The following ADGRB3 variants were observed in gnomAD, a reference collection of about 807,000 sequenced individuals.
The protein encoded by ADGRB3 is brain-specific angiogenesis inhibitor 3.
Under a neutral mutation model 193.4 loss-of-function variants are expected in ADGRB3, and 37 were observed. The observed-to-expected ratio is 0.19, with a 90% CI of 0.15 to 0.25. The LOEUF is 0.25. Ranked by LOEUF, ADGRB3 falls within the 10% of genes least tolerant of loss-of-function variation. ADGRB3 has a pLI of 1.00. For missense variants in ADGRB3, 1,637 were observed against 1,852.9 expected, an observed-to-expected ratio of 0.88 and a Z score of 2.14; for synonymous variants, 690 against 644.2, an observed-to-expected ratio of 1.07 and a Z score of -1.08.
chr6:68,802,184 G>A (rs1378095300), intron 3 of ADGRB3, among the ~76,000 whole-genome samples: 7 of 101,342 alleles, frequency 6.9e-5, no homozygotes, highest in African/African-American at 3.7e-4. Context: ...GCACATATGC[G>A]TGTGTGTGTG....
At chr6:69,372,131 A>G (rs993835998) in intron 29 of ADGRB3, among the ~76,000 whole-genome samples, 3 of 152,096 alleles carry the variant, frequency 2.0e-5, no homozygotes, top group African/African-American at 7.2e-5. Flanking sequence ...ACTAAAAATT[A>G]GGGTTAAGAG....
At chr6:68,775,938 G>T (rs568055626) in intron 3 of ADGRB3, among the ~76,000 whole-genome samples, 1 of 152,216 alleles carries the variant, frequency 6.6e-6, no homozygotes, top group African/African-American at 2.4e-5. Context: ...ACTACATTGT[G>T]TTTTTGTTGC....
At chr6:69,206,275 CT>C (rs1266973365) in intron 17 of ADGRB3, among the ~76,000 whole-genome samples, 3 of 151,604 alleles carry the variant, frequency 2.0e-5, no homozygotes, top group Non-Finnish European at 4.4e-5. Context: ...ATTTTTCTGC[CT>C]GCTTATATTC....
At chr6:69,238,264 A>T (rs1766311872) in intron 19 of ADGRB3, among the ~76,000 whole-genome samples, 1 of 152,126 alleles carries the variant, frequency 6.6e-6, no homozygotes, top group Non-Finnish European at 1.5e-5. Flanking sequence ...CACAGCAAAT[A>T]CAACAGTGTC....
intron 3 of ADGRB3, among the ~76,000 whole-genome samples, chr6:68,834,380 G>A (rs753070234): frequency 6.6e-6 from 1 of 152,118 alleles, no homozygotes; most frequent in Admixed American, 6.6e-5. Context: ...AGAGAACAAT[G>A]CTGTAATCCA....
At chr6:68,841,098 G>A (rs1004555869) in intron 3 of ADGRB3, among the ~76,000 whole-genome samples, 1 of 148,424 alleles carries the variant, frequency 6.7e-6, no homozygotes, top group African/African-American at 2.4e-5. Context: ...CCCCAATATA[G>A]AAAACAAATA....
chr6:68,870,338 A>G (rs551579358), intron 3 of ADGRB3, among the ~76,000 whole-genome samples: 1 of 152,170 alleles, frequency 6.6e-6, no homozygotes, highest in Non-Finnish European at 1.5e-5. Context: ...TACTTGGACT[A>G]TTTAGTATTT....
chr6:69,022,357 T>C (rs944294307), intron 13 of ADGRB3, among the ~76,000 whole-genome samples: 1 of 151,898 alleles, frequency 6.6e-6, no homozygotes, highest in African/African-American at 2.4e-5. Context: ...GGGCCATATC[T>C]TTATATTATT....
intron 3 of ADGRB3, among the ~76,000 whole-genome samples, chr6:68,757,214 C>T: frequency 6.6e-6 from 1 of 152,136 alleles, no homozygotes; most frequent in East Asian, 1.9e-4. Context: ...CTGTCCTGCA[C>T]TTAATATCCC....
At chr6:68,929,054 A>G (rs1401155581) in intron 3 of ADGRB3, among the ~76,000 whole-genome samples, 1 of 152,160 alleles carries the variant, frequency 6.6e-6, no homozygotes, top group Admixed American at 6.6e-5. Context: ...TGGTTTAGAC[A>G]CCACATACAG....
intron 16 of ADGRB3, among the ~76,000 whole-genome samples, chr6:69,066,745 AT>A (rs1479006008): frequency 6.6e-6 from 1 of 152,028 alleles, no homozygotes; most frequent in Non-Finnish European, 1.5e-5. Flanking sequence ...GAAATATCAA[AT>A]TTTTTTCTCC....
intron 3 of ADGRB3, among the ~76,000 whole-genome samples, chr6:68,786,877 G>C (rs1681616905): frequency 6.6e-6 from 1 of 151,894 alleles, no homozygotes; most frequent in Non-Finnish European, 1.5e-5. Flanking sequence ...CACATCCCTT[G>C]TAAGTTGGAT....
intron 4 of ADGRB3, among the ~76,000 whole-genome samples, chr6:68,931,439 G>T (rs1043246242): frequency 2.0e-5 from 3 of 151,804 alleles, no homozygotes; most frequent in Admixed American, 1.3e-4. Flanking sequence ...TGAGTACATT[G>T]CATGTAGTAC....
intron 26 of ADGRB3, among the ~76,000 whole-genome samples, chr6:69,352,490 G>T (rs952773047): frequency 2.6e-5 from 4 of 152,174 alleles, no homozygotes; most frequent in African/African-American, 9.7e-5. Flanking sequence ...AGAAATATTA[G>T]AGTAATAGAA....
At chr6:69,174,086 T>A (rs1413299791) in intron 17 of ADGRB3, among the ~76,000 whole-genome samples, 1 of 152,116 alleles carries the variant, frequency 6.6e-6, no homozygotes. Context: ...TTTTTTAAGA[T>A]AATTTTTAAA....
chr6:68,708,056 T>C (rs1765354528), intron 3 of ADGRB3, among the ~76,000 whole-genome samples: 1 of 152,104 alleles, frequency 6.6e-6, no homozygotes, highest in South Asian at 2.1e-4. Context: ...TCTGGAGAAT[T>C]TCCACTTATT....
rs1249130276 is a variant in ADGRB3 at position 68,956,798 on chromosome 6, A to C, written c.1514A>C (p.Gln505Pro). The C allele has an allele frequency of 6.2e-6, 10 of 1,613,694 alleles. No individual in the cohort carries two copies. The highest frequency in any genetic ancestry group is 8.5e-6 in the Non-Finnish European group (10 of 1,179,674). The change falls in exon 8 of 32, where the codon CAG becomes CCG. Residue 505 changes from glutamine to proline, a missense_variant. Gln to Pro is a moderately conservative substitution (Grantham distance 76). This residue lies in a region of ADGRB3 where 641 missense variants were observed against 673.9 expected (regional missense o/e 0.95). Coordinates refer to ENST00000370598, the MANE Select transcript of ADGRB3 (RefSeq NM_001704.3). The stretch of plus-strand genomic sequence containing the variant: ...GAAGAAGTGAGAAGATGCAATGAGC[A>C]GCGATGCCCTGGTGAGAATGAACCC... ...TGEEVRRCNE[Q>P]RCPAPYEICP...
In ADGRB3 at chr6:69,307,284, T is replaced by C. The variant is rs866685451; in HGVS notation, c.2815-17588T>C. Among the ~76,000 whole-genome samples, 28 of 151,660 alleles carry C rather than the reference T, an allele frequency of 1.8e-4. 1 individual carries two copies. The highest frequency in any genetic ancestry group is 6.8e-4 in the African/African-American group (28 of 41,288). On this transcript the variant is annotated intron_variant, in intron 20 of 31. Coordinates refer to ENST00000370598, the MANE Select transcript of ADGRB3 (RefSeq NM_001704.3). ...ACCACATTGCAACCGACTTAAAGAA[T>C]GTGTTGTAGTTAAATTTCTTATGTA... is the stretch of plus-strand genomic sequence containing the variant.
intron 17 of ADGRB3, among the ~76,000 whole-genome samples, chr6:69,106,016 A>G (rs1314052912): frequency 6.6e-6 from 1 of 151,922 alleles, no homozygotes; most frequent in Non-Finnish European, 1.5e-5. Context: ...CGTGCCTGTA[A>G]TCTGAGCTAC....
Sources: gnomAD v4.1 joint callset for allele counts (sites outside exome capture counted in the v4.1 genomes callset) on GRCh38, gnomAD v4.1.1 for gene constraint, gnomAD v4.1.1 regional missense constraint, MANE v1.5 for transcripts, NCBI Gene and HGNC (gene_info 2026-07-23, HGNC 2026-07-21) for gene names.